The following PRL variants were observed in gnomAD, a reference collection of about 807,000 sequenced individuals.
The protein encoded by PRL is decidual prolactin.
A neutral mutation model predicts 21.3 loss-of-function variants in PRL; 24 were observed. The ratio of observed to expected loss-of-function variants is 1.13; its 90% CI spans 0.82 to 1.59. PRL has a LOEUF of 1.59. Ranked by LOEUF, PRL falls within the 40% of genes most tolerant of loss-of-function variation. PRL has a pLI of 0.00. For synonymous variants in PRL, 118 were observed against 115.7 expected, an observed-to-expected ratio of 1.02 and a Z score of -0.13; for missense variants, 243 against 286.9, an observed-to-expected ratio of 0.85 and a Z score of 1.10.
At position 22,288,901 on chromosome 6, in the gene PRL, TGC is replaced by T. The variant is rs112442044; in HGVS notation, c.492+1271_492+1272del. Among the ~76,000 whole-genome samples the T allele has an allele frequency of 7.3e-5, 11 of 149,664 alleles. No individual in the cohort carries two copies. Among genetic ancestry groups the T allele is most frequent in the Non-Finnish European group, 1.2e-4 (8 of 67,910 alleles). ...GCGCGTGCGCGTGTGTGTGCGTGTG[TGC>T]GCGCGCGTGTGTGTGCGTGCGCGTG... is the stretch of plus-strand genomic sequence containing the variant. On this transcript the variant is annotated intron_variant, in intron 4 of 4. Transcript: ENST00000306482. The surrounding 1 kb of genome is among the most constrained non-coding windows in gnomAD (Gnocchi z 4.5).
rs1233486822 is a variant in PRL at position 22,292,569 on chromosome 6, G to C, written c.281C>G (p.Pro94Arg). 6.2e-7 allele frequency: 1 copy of C among 1,614,088 alleles called. No individual in the cohort carries two copies. Among genetic ancestry groups the C allele is most frequent in the Non-Finnish European group, 8.5e-7 (1 of 1,180,014 alleles). ...CTGTTGGGCTTGCTCCTTGTCTTCG[G>C]GGGTGGCAAGGGAAGAAGTGTGGCA... is the stretch of plus-strand genomic sequence containing the variant. ...NSCHTSSLAT[P>R]EDKEQAQQMN... Residue 94 changes from proline to arginine, a missense_variant, in exon 3 of 5, where the codon CCC (proline) becomes CGC (arginine). Pro to Arg is a moderately radical substitution (Grantham distance 103, BLOSUM62 -2). Transcript: ENST00000306482.
upstream of PRL, among the ~76,000 whole-genome samples, chr6:22,301,075 G>A (rs879468033): frequency 2.6e-5 from 4 of 152,266 alleles, no homozygotes; most frequent in African/African-American, 7.2e-5. Flanking sequence ...GAAGTGAGAT[G>A]GATGATAACT....
intron 3 of PRL, 149 bp from the exon 4 acceptor site, chr6:22,290,502 G>GA (rs1761029823): frequency 2.1e-5 from 13 of 633,566 alleles, no homozygotes; most frequent in Admixed American, 4.2e-5. Context: ...AGAATTTGTA[G>GA]AAATGTAAAA....
chr6:22,301,031 C>A (rs1761273316), upstream of PRL, among the ~76,000 whole-genome samples: 2 of 152,106 alleles, frequency 1.3e-5, no homozygotes, highest in African/African-American at 4.8e-5. Context: ...TTTCTTTAGG[C>A]AAAAGAATTA....
chr6:22,287,340 G>A lies in PRL; in HGVS notation c.*62C>T. On this transcript the variant is annotated 3_prime_UTR_variant, in exon 5 of 5. Coordinates refer to ENST00000306482, the MANE Select transcript of PRL (RefSeq NM_000948.6). The stretch of plus-strand genomic sequence containing the variant: ...GGATTCAAAAGAGATACAACTAAAA[G>A]AAGCTTGCAATGGAACGGATCATTA... 1 of 1,463,994 alleles carries A rather than the reference G, an allele frequency of 6.8e-7. No homozygotes were observed. The highest frequency in any genetic ancestry group is 1.4e-5 in the African/African-American group (1 of 71,450). The allele number at this position is 1,463,994 out of a possible 1,614,324, so 90.7% of individuals were successfully genotyped here. A position where few individuals can be genotyped will look rare whatever the true frequency, so the allele number is the denominator to read the frequency against.
upstream of PRL, among the ~76,000 whole-genome samples, chr6:22,301,282 T>C (rs1761277673): frequency 6.6e-6 from 1 of 152,222 alleles, no homozygotes; most frequent in Non-Finnish European, 1.5e-5. Context: ...CTCTCAGCCA[T>C]GCTTACTTCC....
At chr6:22,296,677 TAGA>T (rs1274020420) in intron 1 of PRL, among the ~76,000 whole-genome samples, 2 of 152,182 alleles carry the variant, frequency 1.3e-5, no homozygotes, top group Non-Finnish European at 2.9e-5. Flanking sequence ...CACTATCCAT[TAGA>T]TACCAATAGC....
chr6:22,292,639 G>T lies in PRL; in HGVS notation c.211C>A (p.Arg71=), dbSNP rs201458155. The change falls in exon 3 of 5, where the codon CGG becomes AGG. Residue 71 remains arginine (R), a synonymous_variant. Transcript: ENST00000306482. ...ATGAACCCCCGGCCATGGGTATACC[G>T]TTTATCCTGGAAATGATGAGACAAA... The part of the protein sequence containing the change: ...SSEMFSEFDK[R]YTHGRGFITK... The T allele has an allele frequency of 4.3e-6, 7 of 1,612,344 alleles. No individual in the cohort carries two copies. In the East Asian group the frequency reaches 1.6e-4, roughly 36 times the overall value.
chr6:22,291,270 G>C (rs1282720285), intron 3 of PRL, among the ~76,000 whole-genome samples: 1 of 152,190 alleles, frequency 6.6e-6, no homozygotes, highest in African/African-American at 2.4e-5. Context: ...TGTCAGTGTA[G>C]TTTTTCTGGG....
chr6:22,295,984 T>C (rs1380076989), intron 1 of PRL, among the ~76,000 whole-genome samples: 4 of 152,372 alleles, frequency 2.6e-5, no homozygotes, highest in South Asian at 4.1e-4. Flanking sequence ...TATTATAGAC[T>C]TTTAATTTTT....
At chr6:22,293,649 AGG>A (rs1761106346) in intron 2 of PRL, among the ~76,000 whole-genome samples, 1 of 73,142 alleles carries the variant, frequency 1.4e-5, no homozygotes. Flanking sequence ...GAAGGAAGGA[AGG>A]AAGGAAGGAA....
rs368247408 is a variant in PRL at position 22,290,357 on chromosome 6, C to G, written c.313-4G>C. On this transcript the variant is annotated splice_region_variant and splice_polypyrimidine_tract_variant and intron_variant, in intron 3 of 4. Coordinates refer to ENST00000306482, the MANE Select transcript of PRL (RefSeq NM_000948.6). ...TCAGGCTCAGAAAGTCTTTTTGCTA[C>G]GAAACCATATAGAACAATTGCATTA... is the stretch of plus-strand genomic sequence containing the variant. 3 of 1,579,356 alleles carry G rather than the reference C, an allele frequency of 1.9e-6. No individual in the cohort carries two copies. In the South Asian group the frequency reaches 3.5e-5, roughly 18 times the overall value.
At chr6:22,295,178 T>G (rs935168682) in intron 1 of PRL, among the ~76,000 whole-genome samples, 2 of 143,596 alleles carry the variant, frequency 1.4e-5, no homozygotes, top group African/African-American at 5.2e-5. Context: ...TGCATGTGTT[T>G]GACACTTCGC....
At chr6:22,291,561 A>G (rs752640754) in intron 3 of PRL, among the ~76,000 whole-genome samples, 1 of 151,998 alleles carries the variant, frequency 6.6e-6, no homozygotes, top group Non-Finnish European at 1.5e-5. Flanking sequence ...TTTTAGCATC[A>G]TGTAGGTGCT....
chr6:22,297,107 C>T (rs1036958876), upstream of PRL: 23 of 961,930 alleles, frequency 2.4e-5, no homozygotes, highest in South Asian at 4.9e-5. Context: ...ATCAGGCATT[C>T]GTTTCCCTTT....
intron 4 of PRL, among the ~76,000 whole-genome samples, chr6:22,289,647 A>T (rs1043886718): frequency 2.2e-4 from 34 of 152,126 alleles, no homozygotes; most frequent in Admixed American, 1.4e-3. Context: ...CCTGAAATCA[A>T]TGCAACCTGT....
At chr6:22,294,330 T>C in intron 2 of PRL, 79 bp downstream of exon 2, 1 of 1,560,100 alleles carries the variant, frequency 6.4e-7, no homozygotes, top group Non-Finnish European at 8.8e-7. Flanking sequence ...TCGGGAGGTT[T>C]TCTAGGTTAA....
At chr6:22,295,695 C>G (rs960181615) in intron 1 of PRL, among the ~76,000 whole-genome samples, 2 of 152,098 alleles carry the variant, frequency 1.3e-5, no homozygotes, top group Admixed American at 6.5e-5. Flanking sequence ...AGGAAAGAAA[C>G]GATAGATAGC....
Position 22,288,906 on chromosome 6 carries a change from G to A in PRL, c.492+1268C>T, listed in dbSNP as rs889391514. Among the ~76,000 whole-genome samples, 2 of 149,160 alleles carry A rather than the reference G, an allele frequency of 1.3e-5. No homozygotes were observed. The highest frequency in any genetic ancestry group is 3.0e-5 in the Non-Finnish European group (2 of 67,768). On this transcript the variant is annotated intron_variant, in intron 4 of 4. Transcript: ENST00000306482. The surrounding 1 kb of genome is among the most constrained non-coding windows in gnomAD (Gnocchi z 4.5). Reference sequence around the variant, plus strand: ...TGCGCGTGTGTGTGCGTGTGTGCGCGCGCGTGTGTGTGCGTGCGCGTGTGT... The same window carrying A: ...TGCGCGTGTGTGTGCGTGTGTGCGCACGCGTGTGTGTGCGTGCGCGTGTGT...
Sources: allele counts gnomAD v4.1 joint callset (sites outside exome capture counted in the v4.1 genomes callset), GRCh38; gene constraint gnomAD v4.1.1; non-coding constraint Gnocchi (gnomAD v3.1); transcripts MANE v1.5; gene names NCBI Gene and HGNC (gene_info 2026-07-23, HGNC 2026-07-21).